The following PCDH10 variants were observed in gnomAD, a reference collection of about 807,000 sequenced individuals.
The protein encoded by PCDH10 is protocadherin 10.
PCDH10 carries 15 observed loss-of-function variants against 74.4 expected under a neutral mutation model. That is an observed-to-expected ratio of 0.20 (90% CI 0.13 to 0.31). The LOEUF is 0.31. PCDH10 is among the 10% of genes least tolerant of loss of function. PCDH10 has a pLI of 1.00. For missense variants in PCDH10, 1,260 were observed against 1,390.2 expected (o/e 0.91, Z 1.49); for synonymous variants, 619 against 589.8 (o/e 1.05, Z -0.72).
chr4:133,152,545 T>G lies in PCDH10; in HGVS notation c.2405T>G (p.Val802Gly), dbSNP rs764880815. 2 of 1,614,042 alleles carry G rather than the reference T, an allele frequency of 1.2e-6. No homozygotes were observed. Among genetic ancestry groups the G allele is most frequent in the Non-Finnish European group, 8.5e-7 (1 of 1,180,006 alleles). Residue 802 changes from valine (V) to glycine (G), a missense_variant, in exon 1 of 5, where the codon GTG (valine) becomes GGG (glycine). By Grantham distance (109) the Val-to-Gly change is moderately radical (BLOSUM62 -3). Around this residue, in one of 11 missense-constraint regions of PCDH10, gnomAD observed 587 missense variants for 616.9 expected, o/e 0.95. Transcript: ENST00000264360. ...SSNVPSNPAQ[V>G]PIEESGGFGS... ...AATGTACCCAGTAACCCGGCCCAGG[T>G]GCCGATAGAGGAGTCCGGGGGCTTT...
chr4:133,181,292 T>C (rs1014759812), intron 4 of PCDH10, among the ~76,000 whole-genome samples: 2 of 152,066 alleles, frequency 1.3e-5, no homozygotes, highest in African/African-American at 4.8e-5. Flanking sequence ...ACTTAGTTTT[T>C]TTTATCTTTC....
At chr4:133,158,145 C>A (rs1357708969) in intron 3 of PCDH10, among the ~76,000 whole-genome samples, 1 of 151,972 alleles carries the variant, frequency 6.6e-6, no homozygotes, top group Non-Finnish European at 1.5e-5. Context: ...GCTTAAACAG[C>A]CAAAGAATTG....
rs1311163729 is a variant in PCDH10 at position 133,150,942 on chromosome 4, C to G, written c.802C>G (p.Leu268Val). 76 of 1,613,840 alleles carry G rather than the reference C, an allele frequency of 4.7e-5. No individual in the cohort carries two copies. The highest frequency in any genetic ancestry group is 6.4e-5 in the Non-Finnish European group (76 of 1,180,046). Residue 268 changes from leucine (L) to valine (V), a missense_variant, in exon 1 of 5, where the codon CTC becomes GTC. By Grantham distance (32) the Leu-to-Val change is conservative. Transcript: ENST00000264360. Reference protein sequence around the residue: ...SLPENSPPGTLVIQLNATDPD... With the variant: ...SLPENSPPGTVVIQLNATDPD... ...ACCAGAGAACTCTCCCCCAGGCACT[C>G]TCGTGATCCAGCTCAACGCCACCGA...
At chr4:133,162,088 G>A (rs1726981609) in intron 3 of PCDH10, among the ~76,000 whole-genome samples, 1 of 152,116 alleles carries the variant, frequency 6.6e-6, no homozygotes, top group South Asian at 2.1e-4. Flanking sequence ...GGAAGACAAT[G>A]AAATTTGAAC....
At chr4:133,189,966 A>T (rs1727625170) in intron 4 of PCDH10, among the ~76,000 whole-genome samples, 175 bp from the exon 5 acceptor site, 1 of 152,116 alleles carries the variant, frequency 6.6e-6, no homozygotes, top group African/African-American at 2.4e-5. Flanking sequence ...ATTCTCAGAA[A>T]ACCAAACAAC....
At position 133,191,978 on chromosome 4, in the gene PCDH10, C is replaced by CACACAA. The variant is rs1368888915; in HGVS notation, c.*1823_*1824insAACACA. Reference sequence around the variant, plus strand: ...ATACATATATATACACACACACACACACACACACACACACACACTTAGGTC... The same window carrying CACACAA: ...ATACATATATATACACACACACACACACACAAACACACACACACACACACTTAGGTC... On this transcript the variant is annotated 3_prime_UTR_variant, in exon 5 of 5. Coordinates refer to ENST00000264360, the MANE Select transcript of PCDH10 (RefSeq NM_032961.3). 2 of 150,950 alleles carry CACACAA rather than the reference C, an allele frequency of 1.3e-5. No homozygotes were observed. The highest frequency in any genetic ancestry group is 6.6e-5 in the Admixed American group (1 of 15,072). 9.4% of individuals were successfully genotyped at this position (150,950 alleles called of 1,614,324 possible). A position where few individuals can be genotyped will look rare whatever the true frequency, so the allele number is the denominator to read the frequency against.
intron 4 of PCDH10, among the ~76,000 whole-genome samples, chr4:133,173,675 T>C (rs951447507): frequency 1.4e-4 from 21 of 151,894 alleles, no homozygotes; most frequent in African/African-American, 4.3e-4. Flanking sequence ...TGGGAATGAC[T>C]TTTTATTTTT....
rs1484338927 is a variant in PCDH10 at position 133,150,958 on chromosome 4, A to G, written c.818A>G (p.Asn273Ser). The G allele has an allele frequency of 1.9e-6, 3 of 1,613,982 alleles. No individual in the cohort carries two copies. Among genetic ancestry groups the G allele is most frequent in the Non-Finnish European group, 1.7e-6 (2 of 1,180,032 alleles). ...SPPGTLVIQL[N>S]ATDPDEGQNG... is the part of the protein sequence containing the mutation. ...CCAGGCACTCTCGTGATCCAGCTCA[A>G]CGCCACCGACCCGGACGAGGGCCAG... The change falls in exon 1 of 5, where the codon AAC (asparagine) becomes AGC (serine). Residue 273 changes from asparagine (N) to serine (S), a missense_variant. By Grantham distance (46) the Asn-to-Ser change is conservative. This residue lies in a region of PCDH10 where 192 missense variants were observed against 161.2 expected (regional missense o/e 1.19). Coordinates refer to ENST00000264360, the MANE Select transcript of PCDH10 (RefSeq NM_032961.3).
rs1195111503 is a variant in PCDH10 at position 133,193,617 on chromosome 4, A to C, written c.*3457A>C. The C allele has an allele frequency of 1.3e-5, 2 of 151,782 alleles. No homozygotes were observed. The highest frequency in any genetic ancestry group is 3.9e-4 in the East Asian group (2 of 5,174). The allele number at this position is 151,782 out of a possible 1,614,324, so 9.4% of individuals were successfully genotyped here. A position where few individuals can be genotyped will look rare whatever the true frequency, so the allele number is the denominator to read the frequency against. ...ACAATTACTCAGGCAGAGTGTGGCA[A>C]AAGTTCAGCAAGATCAAGAAAAGTA... On this transcript the variant is annotated 3_prime_UTR_variant, in exon 5 of 5. Transcript: ENST00000264360.
At chr4:133,153,216 C>T in intron 1 of PCDH10, 2 of 1,052,388 alleles carry the variant, frequency 1.9e-6, no homozygotes, top group Non-Finnish European at 2.3e-6. Flanking sequence ...CTTTTAGTCG[C>T]GTGTACAAGT....
At chr4:133,197,654 A>G (rs569195158), downstream of PCDH10, among the ~76,000 whole-genome samples, 10 of 152,278 alleles carry the variant, frequency 6.6e-5, no homozygotes, top group African/African-American at 1.7e-4. Flanking sequence ...TATTTTTCAT[A>G]GAAAACATCT....
Position 133,190,597 on chromosome 4 carries a change from A to G in PCDH10, c.*437A>G. Reference sequence around the variant, plus strand: ...ATCAAGTGTTCCGCAAGCTATTCCAACTTTACAAGAGAAATTGTGATTATG... The same window carrying G: ...ATCAAGTGTTCCGCAAGCTATTCCAGCTTTACAAGAGAAATTGTGATTATG... On this transcript the variant is annotated 3_prime_UTR_variant, in exon 5 of 5. Transcript: ENST00000264360. 1 of 157,212 alleles carries G rather than the reference A, an allele frequency of 6.4e-6. No homozygotes were observed. Among genetic ancestry groups the G allele is most frequent in the Non-Finnish European group, 1.4e-5 (1 of 71,170 alleles). 9.7% of individuals were successfully genotyped at this position (157,212 alleles called of 1,614,324 possible).
At chr4:133,201,450 T>C (rs937477005) in intron 2 of PCDH10, among the ~76,000 whole-genome samples, 5 of 152,074 alleles carry the variant, frequency 3.3e-5, no homozygotes, top group African/African-American at 1.2e-4. Context: ...AAAGGCCACA[T>C]TGGGGTTGCA....
At chr4:133,168,895 T>C (rs1310610463) in intron 4 of PCDH10, among the ~76,000 whole-genome samples, 1 of 151,756 alleles carries the variant, frequency 6.6e-6, no homozygotes, top group Non-Finnish European at 1.5e-5. Context: ...TTTTAATTAG[T>C]TATACTCTTT....
Position 133,203,986 on chromosome 4 carries a change from T to C in PCDH10, n.438-4090T>C, listed in dbSNP as rs148848091. The stretch of plus-strand genomic sequence containing the variant: ...TAAGAATTTTGGGTAGGGTTTTTCA[T>C]TGGGAGAGCAGTTGCATTACCTCTC... On this transcript the variant is annotated intron_variant and non_coding_transcript_variant, in intron 2 of 2. Transcript: ENST00000511112. Among the ~76,000 whole-genome samples the C allele has an allele frequency of 1.4e-3, 213 of 152,302 alleles. 1 individual carries two copies. The highest frequency in any genetic ancestry group is 7.2e-3 in the East Asian group (37 of 5,162).
At chr4:133,186,573 T>C (rs1023003744) in intron 4 of PCDH10, among the ~76,000 whole-genome samples, 1 of 152,154 alleles carries the variant, frequency 6.6e-6, no homozygotes, top group African/African-American at 2.4e-5. Context: ...TCAGCAAATA[T>C]ATAGCCATGT....
At chr4:133,162,099 T>C (rs1455159224) in intron 3 of PCDH10, among the ~76,000 whole-genome samples, 2 of 152,288 alleles carry the variant, frequency 1.3e-5, no homozygotes, top group East Asian at 1.9e-4. Flanking sequence ...AAATTTGAAC[T>C]TGTCCTTTGA....
intron 4 of PCDH10, among the ~76,000 whole-genome samples, chr4:133,176,349 T>A (rs1406718538): frequency 6.6e-6 from 1 of 152,142 alleles, no homozygotes; most frequent in Non-Finnish European, 1.5e-5. Flanking sequence ...TTTCCCCATC[T>A]GTGACATGCA....
intron 4 of PCDH10, among the ~76,000 whole-genome samples, chr4:133,169,493 C>T (rs771918951): frequency 6.6e-5 from 10 of 151,830 alleles, no homozygotes; most frequent in Admixed American, 1.3e-4. Context: ...TAACATTTAG[C>T]GTATTAACAT....
Sources: allele counts gnomAD v4.1 joint callset (sites outside exome capture counted in the v4.1 genomes callset), GRCh38; gene constraint gnomAD v4.1.1; regional missense constraint gnomAD v4.1.1; transcripts MANE v1.5; gene names NCBI Gene and HGNC (gene_info 2026-07-23, HGNC 2026-07-21).